MICAL2: variants seen among roughly 807,000 people sequenced by gnomAD.
The protein encoded by MICAL2 is [F-actin]-monooxygenase MICAL2.
In MICAL2, 77 loss-of-function variants were observed where a neutral mutation model predicts 127.3. The observed-to-expected ratio is 0.60, with a 90% CI of 0.50 to 0.73. The LOEUF (loss-of-function observed/expected upper bound fraction) is 0.73, where lower values mean the gene tolerates loss of function less well. Among genes scored for constraint, MICAL2 ranks in the 30% least tolerant of loss-of-function variants. The pLI is 0.00. For synonymous variants in MICAL2, 570 were observed against 551.1 expected (o/e 1.03, Z -0.48); for missense variants, 1,351 against 1,434.4 (o/e 0.94, Z 0.94).
chr11:12,121,248 C>T (rs956760678), intron 1 of MICAL2, among the ~76,000 whole-genome samples: 2 of 152,210 alleles, frequency 1.3e-5, no homozygotes, highest in African/African-American at 4.8e-5. Context: ...GGATCTTCTC[C>T]TGACTCAAGG....
intron 1 of MICAL2, among the ~76,000 whole-genome samples, chr11:12,123,984 GCTTTGCTGGCAGCAGCATCACAT>G (rs1245858322): frequency 6.6e-6 from 1 of 152,194 alleles, no homozygotes; most frequent in African/African-American, 2.4e-5. Context: ...GACTCTATGA[GCTTTGCTGGCAGCAGCATCACAT>G]CACAGACGTT....
At chr11:12,349,991 G>A (rs940101707) in intron 33 of MICAL2, 5 of 1,505,850 alleles carry the variant, frequency 3.3e-6, no homozygotes, top group Admixed American at 1.7e-5. Context: ...GGGCAAAGGG[G>A]GGTGGCTTAC....
intron 1 of MICAL2, among the ~76,000 whole-genome samples, chr11:12,115,040 C>T (rs1482124930): frequency 2.0e-5 from 3 of 152,258 alleles, no homozygotes; most frequent in Non-Finnish European, 4.4e-5. Flanking sequence ...TTCCTTCTGT[C>T]TCTGGACAGT....
intron 32 of MICAL2, among the ~76,000 whole-genome samples, chr11:12,336,480 C>G (rs1938763046): frequency 6.6e-6 from 1 of 152,152 alleles, no homozygotes; most frequent in Non-Finnish European, 1.5e-5. Context: ...CCAGAACTTC[C>G]AAAACTATGT....
At chr11:12,204,976 GC>G (rs2134132034) in intron 4 of MICAL2, among the ~76,000 whole-genome samples, 1 of 152,314 alleles carries the variant, frequency 6.6e-6, no homozygotes, top group South Asian at 2.1e-4. Context: ...TGCTGGTGTT[GC>G]TGGGGAGCCA....
intron 3 of MICAL2, among the ~76,000 whole-genome samples, chr11:12,187,208 G>C (rs1858416767): frequency 1.3e-5 from 2 of 152,056 alleles, no homozygotes; most frequent in Non-Finnish European, 2.9e-5. Flanking sequence ...TAATCCCATG[G>C]AGCTGACTGG....
intron 1 of MICAL2, among the ~76,000 whole-genome samples, chr11:12,129,079 T>C (rs571784203): frequency 1.3e-5 from 2 of 152,350 alleles, no homozygotes; most frequent in South Asian, 4.1e-4. Context: ...TTTTGCCTTA[T>C]TATATAGATG....
intron 4 of MICAL2, 182 bp from the exon 5 acceptor site, chr11:12,207,841 C>G (rs184634783): frequency 1.7e-6 from 1 of 577,182 alleles, no homozygotes; most frequent in African/African-American, 1.9e-5. Context: ...TTCCAAAGGG[C>G]CACTGTAAGA....
downstream of MICAL2, among the ~76,000 whole-genome samples, chr11:12,288,560 A>C (rs550091835): frequency 6.6e-6 from 1 of 152,336 alleles, no homozygotes; most frequent in South Asian, 2.1e-4. Context: ...GGAGTATTGC[A>C]CAGCGTTTCT....
At chr11:12,176,969 C>T (rs1397229695) in intron 3 of MICAL2, among the ~76,000 whole-genome samples, 1 of 152,060 alleles carries the variant, frequency 6.6e-6, no homozygotes, top group African/African-American at 2.4e-5. Context: ...TATGGATATA[C>T]GTATCTATTT....
chr11:12,337,760 G>C (rs968613435), intron 32 of MICAL2, among the ~76,000 whole-genome samples: 9 of 151,908 alleles, frequency 5.9e-5, no homozygotes, highest in African/African-American at 2.2e-4. Context: ...GTAGTTGAGT[G>C]GTTTTGAGTG....
chr11:12,268,164 T>C (rs1590715052), downstream of MICAL2, among the ~76,000 whole-genome samples: 1 of 152,216 alleles, frequency 6.6e-6, no homozygotes, highest in Admixed American at 6.5e-5. Flanking sequence ...GAGGGAGACC[T>C]GGAGGAAGAG....
At position 12,221,486 on chromosome 11, in the gene MICAL2, G is replaced by C. The variant is rs77149592; in HGVS notation, c.1207-158G>C. Among the ~76,000 whole-genome samples, 619 of 152,308 alleles carry C rather than the reference G, an allele frequency of 4.1e-3. 22 individuals carry two copies. The East Asian group carries it at 0.077, about 19-fold the overall frequency. ...CCTTCTGCTATAGTTATTTGACCTT[G>C]TGATGAATCCTCATAGGTAGCAGGG... is the stretch of plus-strand genomic sequence containing the variant. On this transcript the variant is annotated intron_variant, in intron 9 of 27. Coordinates refer to ENST00000683283, the MANE Select transcript of MICAL2 (RefSeq NM_001282663.2).
In MICAL2 at chr11:12,220,343, C is replaced by G. The variant is rs1048806167; in HGVS notation, c.1091C>G (p.Pro364Arg). The part of the protein sequence containing the change: ...LDFAMNHYGQ[P>R]DVAMFDFTCM... Reference sequence around the variant, plus strand: ...TTTGCCATGAACCACTATGGGCAGCCTGATGTGGCCATGTTTGACTTTACC... The same window carrying G: ...TTTGCCATGAACCACTATGGGCAGCGTGATGTGGCCATGTTTGACTTTACC... The change falls in exon 9 of 28, where the codon CCT becomes CGT. Residue 364 changes from proline (P) to arginine (R), a missense_variant. Transcript: ENST00000683283. The G allele has an allele frequency of 3.1e-6, 5 of 1,614,134 alleles. No individual in the cohort carries two copies. In the African/African-American group the frequency reaches 4.0e-5, roughly 13 times the overall value.
chr11:12,266,509 A>T (rs1863610907), downstream of MICAL2, among the ~76,000 whole-genome samples: 1 of 152,334 alleles, frequency 6.6e-6, no homozygotes, highest in South Asian at 2.1e-4. Context: ...GCCAGCTGTT[A>T]TATAGGGAAC....
chr11:12,323,987 A>C, exon 31 of MICAL2: 2 of 1,605,382 alleles, frequency 1.2e-6, no homozygotes, highest in Non-Finnish European at 1.7e-6. Flanking sequence ...GGAGAAGAAG[A>C]CACTTAGAAG....
intron 3 of MICAL2, chr11:12,197,625 T>C (rs1292412162): frequency 6.6e-6 from 1 of 152,124 alleles, no homozygotes; most frequent in Non-Finnish European, 1.5e-5. Flanking sequence ...GGAACCTATG[T>C]GTTAAATGGG....
At chr11:12,295,826 T>G (rs1160345923), downstream of MICAL2, among the ~76,000 whole-genome samples, 2 of 152,198 alleles carry the variant, frequency 1.3e-5, no homozygotes, top group Non-Finnish European at 2.9e-5. Flanking sequence ...ACTATTGTCT[T>G]ATTGTTAACT....
chr11:12,334,400 A>G (rs1322979515), intron 32 of MICAL2, among the ~76,000 whole-genome samples: 1 of 152,166 alleles, frequency 6.6e-6, no homozygotes, highest in African/African-American at 2.4e-5. Flanking sequence ...TATGTTCAGT[A>G]CAGACACAAC....
Sources: allele counts gnomAD v4.1 joint callset (sites outside exome capture counted in the v4.1 genomes callset), GRCh38; gene constraint gnomAD v4.1.1; transcripts MANE v1.5; gene names NCBI Gene and HGNC (gene_info 2026-07-23, HGNC 2026-07-21).